Variants in SCYL2 observed in about 807,000 individuals in gnomAD.
SCYL2 encodes the protein SCY1 like pseudokinase 2, also known as SCY1-like protein 2.
In SCYL2, 36 loss-of-function variants were observed where a neutral mutation model predicts 100.4. The ratio of observed to expected loss-of-function variants is 0.36; its 90% CI spans 0.27 to 0.47. The LOEUF is 0.47. SCYL2 is among the 20% of genes least tolerant of loss of function. The pLI, the probability that SCYL2 is intolerant of heterozygous loss-of-function variation, is 1.00. For missense variants in SCYL2, 902 were observed against 1,083.9 expected, an observed-to-expected ratio of 0.83 and a Z score of 2.36; for synonymous variants, 330 against 359.2, an observed-to-expected ratio of 0.92 and a Z score of 0.92.
intron 1 of SCYL2, among the ~76,000 whole-genome samples, chr12:100,281,201 G>A (rs1310443495): frequency 1.3e-5 from 2 of 151,456 alleles, no homozygotes; most frequent in East Asian, 1.9e-4. Context: ...GCTAATTTTC[G>A]AATTTTTTGT....
chr12:100,300,998 CT>C (rs2096326896), intron 4 of SCYL2, among the ~76,000 whole-genome samples: 1 of 152,124 alleles, frequency 6.6e-6, no homozygotes, highest in Non-Finnish European at 1.5e-5. Flanking sequence ...TTCCTTTTTA[CT>C]TTTGAGAATA....
intron 4 of SCYL2, among the ~76,000 whole-genome samples, chr12:100,300,311 TAA>T (rs553205151): frequency 3.1e-4 from 47 of 152,332 alleles, no homozygotes; most frequent in African/African-American, 9.1e-4. Flanking sequence ...CTGTATTTTT[TAA>T]AGAATTGTGG....
chr12:100,297,997 A>G (rs1466585916), intron 3 of SCYL2, 34 bp from the exon 4 acceptor site: 3 of 1,517,208 alleles, frequency 2.0e-6, no homozygotes, highest in Admixed American at 1.8e-5. Context: ...GTGTAATAAT[A>G]TGATAGTAAA....
chr12:100,291,089 C>A lies in SCYL2; in HGVS notation c.178-414C>A, dbSNP rs552147927. On this transcript the variant is annotated intron_variant, in intron 2 of 17. Coordinates refer to ENST00000360820, the MANE Select transcript of SCYL2 (RefSeq NM_017988.6). ...ACTACAAATTCATTTTTCTTACAAA[C>A]AAGTACTCCCTGACTTACAACCTTT... 3.3e-5 allele frequency among the ~76,000 whole-genome samples: 5 copies of A among 152,260 alleles called. No individual in the cohort carries two copies. The East Asian group carries it at 9.6e-4, about 29-fold the overall frequency.
chr12:100,325,056 C>T (rs1374721359), intron 11 of SCYL2, among the ~76,000 whole-genome samples: 4 of 152,064 alleles, frequency 2.6e-5, no homozygotes, highest in East Asian at 1.9e-4. Context: ...AGCGAGACCT[C>T]GTCTCTACTA....
At chr12:100,274,365 T>C (rs2096290522) in intron 1 of SCYL2, among the ~76,000 whole-genome samples, 1 of 152,220 alleles carries the variant, frequency 6.6e-6, no homozygotes, top group Non-Finnish European at 1.5e-5. Flanking sequence ...TAAATTGTCG[T>C]ATATTGTGAT....
intron 9 of SCYL2, among the ~76,000 whole-genome samples, chr12:100,316,076 CTTTGAAGTA>C (rs1315584806): frequency 6.6e-5 from 10 of 152,080 alleles, no homozygotes; most frequent in African/African-American, 2.2e-4. Flanking sequence ...TTCTCTTGCA[CTTTGAAGTA>C]TTTGAAGTAT....
chr12:100,267,428 T>G lies in SCYL2; in HGVS notation c.-393T>G. 3 of 185,764 alleles carry G rather than the reference T, an allele frequency of 1.6e-5. No individual in the cohort carries two copies. Among genetic ancestry groups the G allele is most frequent in the Non-Finnish European group, 2.3e-5 (2 of 88,666 alleles). The allele number at this position is 185,764 out of a possible 1,614,324, so 11.5% of individuals were successfully genotyped here. On this transcript the variant is annotated 5_prime_UTR_variant, in exon 1 of 18. Transcript: ENST00000360820. Reference sequence around the variant, plus strand: ...GACCGGCCGCCGGCACCGACCGACCTCCCTCACCGGCGGCTCTCTCGCCTG... The same window carrying G: ...GACCGGCCGCCGGCACCGACCGACCGCCCTCACCGGCGGCTCTCTCGCCTG...
At chr12:100,309,178 C>T (rs144161312) in intron 4 of SCYL2, among the ~76,000 whole-genome samples, 25 of 151,868 alleles carry the variant, frequency 1.6e-4, no homozygotes, top group African/African-American at 5.6e-4. Flanking sequence ...GGTGTTCCTG[C>T]GCAGGGAGGA....
intron 2 of SCYL2, among the ~76,000 whole-genome samples, chr12:100,285,092 A>G (rs564151263): frequency 6.6e-6 from 1 of 152,332 alleles, no homozygotes; most frequent in East Asian, 1.9e-4. Flanking sequence ...TATTGCACAA[A>G]TCATGAGTGT....
intron 1 of SCYL2, among the ~76,000 whole-genome samples, chr12:100,269,834 G>A (rs2096285446): frequency 6.6e-6 from 1 of 152,096 alleles, no homozygotes; most frequent in African/African-American, 2.4e-5. Context: ...TATAGGTTCC[G>A]ATTCCAAAGG....
intron 2 of SCYL2, among the ~76,000 whole-genome samples, chr12:100,289,291 G>A (rs991311006): frequency 7.9e-5 from 12 of 152,212 alleles, no homozygotes; most frequent in Admixed American, 5.2e-4. Flanking sequence ...TTGGTGTTCC[G>A]TATTTTCCCT....
intron 1 of SCYL2, among the ~76,000 whole-genome samples, chr12:100,282,625 C>T (rs967482238): frequency 6.6e-6 from 1 of 152,064 alleles, no homozygotes; most frequent in African/African-American, 2.4e-5. Context: ...ATGCCCATCC[C>T]CCACTTTAAG....
rs1373098846 is a variant in SCYL2, at chr12:100,294,777, C to T, written c.335+3117C>T. ...CCCCCCACCTCCCTCCCGGACGGGG[C>T]GGCTGGCCGGGCGGGGGGCTGACCC... On this transcript the variant is annotated intron_variant, in intron 3 of 17. Transcript: ENST00000360820. 3.0e-3 allele frequency among the ~76,000 whole-genome samples: 401 copies of T among 132,400 alleles called. 1 individual carries two copies. The highest frequency in any genetic ancestry group is 0.011 in the African/African-American group (364 of 32,612). 86.9% of individuals were successfully genotyped at this position (132,400 alleles called of 152,430 possible).
chr12:100,274,240 T>C (rs2096290367), intron 1 of SCYL2, among the ~76,000 whole-genome samples: 1 of 152,256 alleles, frequency 6.6e-6, no homozygotes, highest in Admixed American at 6.5e-5. Flanking sequence ...CAAATATTTT[T>C]GCTTGTGTAT....
chr12:100,338,796 A>G lies in SCYL2; in HGVS notation c.2414A>G (p.Lys805Arg). 6.2e-7 allele frequency: 1 copy of G among 1,614,192 alleles called. No individual in the cohort carries two copies. Among genetic ancestry groups the G allele is most frequent in the South Asian group, 1.1e-5 (1 of 91,084 alleles). ...YSSPSTVGVT[K>R]MTLGTPPTLP... The stretch of plus-strand genomic sequence containing the variant: ...AGTCCAAGCACAGTTGGAGTGACCA[A>G]GATGACTCTGGGAACACCTCCCACT... Residue 805 changes from lysine (K) to arginine (R), a missense_variant, in exon 18 of 18, where the codon AAG (lysine) becomes AGG (arginine). By Grantham distance (26) the Lys-to-Arg change is conservative. Coordinates refer to ENST00000360820, the MANE Select transcript of SCYL2 (RefSeq NM_017988.6).
intron 1 of SCYL2, among the ~76,000 whole-genome samples, chr12:100,281,778 G>T (rs1043007657): frequency 1.0e-4 from 15 of 150,028 alleles, no homozygotes; most frequent in Non-Finnish European, 1.5e-4. Flanking sequence ...AGCTTGCAGT[G>T]AGCCAAGTTC....
chr12:100,289,800 T>G (rs2135847087), intron 2 of SCYL2, among the ~76,000 whole-genome samples: 1 of 152,336 alleles, frequency 6.6e-6, no homozygotes, highest in South Asian at 2.1e-4. Context: ...GCTGCATGTT[T>G]TTTTCTGTGT....
intron 9 of SCYL2, among the ~76,000 whole-genome samples, chr12:100,317,053 G>A (rs963824062): frequency 6.6e-6 from 1 of 151,382 alleles, no homozygotes; most frequent in East Asian, 1.9e-4. Context: ...CTATGATCGC[G>A]CCACTGCGCT....
Sources: gnomAD v4.1 joint callset for allele counts (sites outside exome capture counted in the v4.1 genomes callset) on GRCh38, gnomAD v4.1.1 for gene constraint, MANE v1.5 for transcripts, NCBI Gene and HGNC (gene_info 2026-07-23, HGNC 2026-07-21) for gene names.